The following AGBL4 variants were observed in gnomAD, a reference collection of about 807,000 sequenced individuals.
The protein encoded by AGBL4 is AGBL carboxypeptidase 4, also known as cytosolic carboxypeptidase 6.
A neutral mutation model predicts 66.4 loss-of-function variants in AGBL4; 58 were observed. The observed-to-expected ratio is 0.87, with a 90% CI of 0.71 to 1.09. The LOEUF is 1.09. Ranked by LOEUF, AGBL4 falls within the 50% of genes least tolerant of loss-of-function variation. AGBL4 has a pLI of 0.00. For synonymous variants in AGBL4, 234 were observed against 222.9 expected (o/e 1.05, Z -0.44); for missense variants, 579 against 631.0 (o/e 0.92, Z 0.88).
In AGBL4 at chr1:49,425,172, C is replaced by G. The variant is rs900109279; in HGVS notation, c.283-179308G>C. ...TCTTAAAGTTTATGTACGAAGAAAA[C>G]TTGATAAAGTTTCCTAACTTACATA... is the stretch of plus-strand genomic sequence containing the variant. On this transcript the variant is annotated intron_variant, in intron 3 of 13. Transcript: ENST00000371839. Among the ~76,000 whole-genome samples the G allele has an allele frequency of 2.0e-5, 3 of 152,172 alleles. No homozygotes were observed. The South Asian group carries it at 6.2e-4, about 32-fold the overall frequency.
intron 6 of AGBL4, among the ~76,000 whole-genome samples, chr1:48,686,260 C>G (rs944932765): frequency 6.6e-6 from 1 of 152,162 alleles, no homozygotes; most frequent in East Asian, 1.9e-4. Flanking sequence ...CCTCTGAATC[C>G]CCACAGTCCA....
intron 3 of AGBL4, among the ~76,000 whole-genome samples, chr1:49,413,368 G>A (rs1265109031): frequency 6.6e-6 from 1 of 152,200 alleles, no homozygotes; most frequent in Non-Finnish European, 1.5e-5. Flanking sequence ...TAGTGTGTAT[G>A]TGCAGGATAA....
intron 4 of AGBL4, among the ~76,000 whole-genome samples, chr1:49,127,195 A>G (rs1645782903): frequency 6.6e-6 from 1 of 152,178 alleles, no homozygotes. Flanking sequence ...GCCTGGGGGC[A>G]TATTTTGGAT....
chr1:49,883,004 A>C (rs1647575463), intron 1 of AGBL4, among the ~76,000 whole-genome samples: 1 of 152,168 alleles, frequency 6.6e-6, no homozygotes, highest in South Asian at 2.1e-4. Flanking sequence ...CTACACGTAC[A>C]TGCAAAAAAT....
chr1:49,728,825 C>A (rs926559175), intron 2 of AGBL4, among the ~76,000 whole-genome samples: 2 of 152,134 alleles, frequency 1.3e-5, no homozygotes, highest in African/African-American at 4.8e-5. Flanking sequence ...TGTCCATTCC[C>A]AGTTCAGGAG....
intron 1 of AGBL4, among the ~76,000 whole-genome samples, chr1:49,940,051 A>G (rs1333606524): frequency 6.6e-6 from 1 of 152,262 alleles, no homozygotes; most frequent in Non-Finnish European, 1.5e-5. Context: ...GGACATGAAC[A>G]GACACTTCTC....
intron 3 of AGBL4, among the ~76,000 whole-genome samples, chr1:49,665,743 C>A (rs1043108677): frequency 5.1e-4 from 78 of 152,122 alleles, no homozygotes; most frequent in African/African-American, 1.9e-3. Flanking sequence ...ATGAACAACT[C>A]TTTAAGTGAA....
intron 3 of AGBL4, among the ~76,000 whole-genome samples, chr1:49,396,423 T>C (rs748387908): frequency 1.3e-5 from 2 of 152,140 alleles, no homozygotes; most frequent in Non-Finnish European, 2.9e-5. Flanking sequence ...CATATATGTT[T>C]GGAAAGTAGT....
chr1:48,990,685 T>A (rs1660536263), intron 5 of AGBL4, among the ~76,000 whole-genome samples: 1 of 152,078 alleles, frequency 6.6e-6, no homozygotes, highest in Non-Finnish European at 1.5e-5. Flanking sequence ...TTCTCTTTAG[T>A]GAAGGTGATT....
chr1:48,727,991 T>C, intron 6 of AGBL4: 1 of 1,612,760 alleles, frequency 6.2e-7, no homozygotes, highest in Non-Finnish European at 8.5e-7. Context: ...AGAGTCTCTG[T>C]GCAATTTCAG....
intron 4 of AGBL4, among the ~76,000 whole-genome samples, chr1:49,161,022 G>A (rs1226485952): frequency 6.6e-6 from 1 of 152,134 alleles, no homozygotes; most frequent in Non-Finnish European, 1.5e-5. Flanking sequence ...TAGACCACTT[G>A]GCTCCCTGGC....
chr1:49,576,752 C>T (rs1010659156), intron 3 of AGBL4, among the ~76,000 whole-genome samples: 8 of 152,186 alleles, frequency 5.3e-5, no homozygotes, highest in African/African-American at 1.4e-4. Flanking sequence ...GCCACTCTGC[C>T]TTCTCTTCCC....
chr1:49,503,825 T>C (rs968474464), intron 3 of AGBL4, among the ~76,000 whole-genome samples: 1 of 152,142 alleles, frequency 6.6e-6, no homozygotes, highest in Admixed American at 6.5e-5. Flanking sequence ...AATTTGCTTT[T>C]GGTGGCTCAT....
In AGBL4 at chr1:48,554,748, G is replaced by A. The variant is rs74525064; in HGVS notation, c.1268-15010C>T. ...ATTTATTACAAGCAAGGTAGATTTT[G>A]GTATCCTTGTGTTATAGGTTAGAAA... On this transcript the variant is annotated intron_variant, in intron 11 of 13. Transcript: ENST00000371839. Among the ~76,000 whole-genome samples the A allele has an allele frequency of 3.2e-3, 482 of 152,122 alleles. 2 individuals carry two copies. Among genetic ancestry groups the A allele is most frequent in the African/African-American group, 0.011 (445 of 41,526 alleles).
intron 4 of AGBL4, among the ~76,000 whole-genome samples, chr1:49,118,384 A>G (rs979779333): frequency 2.0e-5 from 3 of 152,228 alleles, no homozygotes; most frequent in African/African-American, 7.2e-5. Flanking sequence ...AATTTGAGAT[A>G]CATTCCATCA....
In AGBL4 at chr1:48,589,049, T is replaced by C. The variant is rs180851194; in HGVS notation, c.1104+1784A>G. Among the ~76,000 whole-genome samples, 22 of 152,272 alleles carry C rather than the reference T, an allele frequency of 1.4e-4. No homozygotes were observed. In the South Asian group the frequency reaches 4.4e-3, roughly 30 times the overall value. On this transcript the variant is annotated intron_variant, in intron 10 of 13. Transcript: ENST00000371839. Reference sequence around the variant, plus strand: ...CCTATGACCCAGCCTTCCAGGGAACTTGGACTAAGGAGGCCACATTCTTTT... The same window carrying C: ...CCTATGACCCAGCCTTCCAGGGAACCTGGACTAAGGAGGCCACATTCTTTT...
intron 9 of AGBL4, among the ~76,000 whole-genome samples, chr1:48,598,425 T>C (rs11583036): frequency 0.38 from 57,832 of 151,876 alleles, 11,405 homozygotes; most frequent in South Asian, 0.51. Flanking sequence ...CTAGGGTATA[T>C]GGTTATAGCC....
At chr1:48,902,127 C>T (rs897995682) in intron 5 of AGBL4, among the ~76,000 whole-genome samples, 1 of 152,116 alleles carries the variant, frequency 6.6e-6, no homozygotes, top group Non-Finnish European at 1.5e-5. Context: ...CCAGGTCCCT[C>T]CCACAACACT....
intron 2 of AGBL4, among the ~76,000 whole-genome samples, chr1:49,849,478 TACACACACACAC>T (rs772101356): frequency 5.2e-5 from 7 of 135,828 alleles, no homozygotes; most frequent in East Asian, 2.2e-4. Context: ...AAAGTATACA[TACACACACACAC>T]ACACACACAC....
Sources: allele counts gnomAD v4.1 joint callset (sites outside exome capture counted in the v4.1 genomes callset), GRCh38; gene constraint gnomAD v4.1.1; transcripts MANE v1.5; gene names NCBI Gene and HGNC (gene_info 2026-07-23, HGNC 2026-07-21).